ATP8B4: variants seen among roughly 807,000 people sequenced by gnomAD.
The protein encoded by ATP8B4 is probable phospholipid-transporting ATPase IM.
A neutral mutation model predicts 145.6 loss-of-function variants in ATP8B4; 133 were observed. The ratio of observed to expected loss-of-function variants is 0.91; its 90% CI spans 0.79 to 1.05. The LOEUF (loss-of-function observed/expected upper bound fraction) is 1.05, where lower values mean the gene tolerates loss of function less well. Ranked by LOEUF, ATP8B4 falls within the 50% of genes least tolerant of loss-of-function variation. ATP8B4 has a pLI of 0.00. For synonymous variants in ATP8B4, 507 were observed against 492.9 expected (o/e 1.03, Z -0.38); for missense variants, 1,458 against 1,425.2 (o/e 1.02, Z -0.37).
At chr15:49,890,717 C>T (rs1566937286) in intron 23 of ATP8B4, among the ~76,000 whole-genome samples, 1 of 152,176 alleles carries the variant, frequency 6.6e-6, no homozygotes, top group Non-Finnish European at 1.5e-5. Flanking sequence ...AAAGCCAAAA[C>T]ATTTTTCAGT....
intron 13 of ATP8B4, among the ~76,000 whole-genome samples, chr15:49,971,908 T>C (rs1034204579): frequency 7.9e-5 from 12 of 152,160 alleles, no homozygotes; most frequent in Non-Finnish European, 1.8e-4. Context: ...AAAGAAAATA[T>C]GGCACATATA....
intron 2 of ATP8B4, among the ~76,000 whole-genome samples, chr15:50,074,456 C>T (rs2054050785): frequency 6.6e-6 from 1 of 152,164 alleles, no homozygotes; most frequent in Non-Finnish European, 1.5e-5. Context: ...TCTTCAGCAC[C>T]ACAAAGACCC....
At chr15:50,109,705 T>G (rs2056850362) in intron 1 of ATP8B4, among the ~76,000 whole-genome samples, 1 of 151,954 alleles carries the variant, frequency 6.6e-6, no homozygotes, top group Non-Finnish European at 1.5e-5. Flanking sequence ...CATTTATCTC[T>G]CAGAAAGCTA....
intron 1 of ATP8B4, among the ~76,000 whole-genome samples, chr15:50,167,514 G>A (rs72737040): frequency 0.092 from 13,983 of 152,142 alleles, 816 homozygotes; most frequent in Middle Eastern, 0.15. Flanking sequence ...TTAGGGCCCA[G>A]CCTAACCCAG....
At chr15:49,907,717 TA>T (rs2038775780) in intron 20 of ATP8B4, among the ~76,000 whole-genome samples, 1 of 152,220 alleles carries the variant, frequency 6.6e-6, no homozygotes, top group Non-Finnish European at 1.5e-5. Context: ...GTTATTCCCA[TA>T]TCAAAAGTTT....
intron 2 of ATP8B4, among the ~76,000 whole-genome samples, chr15:50,091,030 T>TA (rs1260021835): frequency 1.3e-5 from 2 of 152,020 alleles, no homozygotes; most frequent in East Asian, 1.9e-4. Context: ...TAGGTGCTTT[T>TA]AAAAAAAAGA....
intron 25 of ATP8B4, among the ~76,000 whole-genome samples, chr15:49,867,328 T>C (rs2032971892): frequency 6.6e-6 from 1 of 152,202 alleles, no homozygotes; most frequent in African/African-American, 2.4e-5. Flanking sequence ...GCTTAGTAAA[T>C]AGATCCCTCT....
Position 50,021,659 on chromosome 15 carries a change from C to G in ATP8B4, c.363-10742G>C, listed in dbSNP as rs554217590. Among the ~76,000 whole-genome samples the G allele has an allele frequency of 1.6e-4, 24 of 152,304 alleles. No individual in the cohort carries two copies. In the South Asian group the frequency reaches 5.0e-3, roughly 32 times the overall value. On this transcript the variant is annotated intron_variant, in intron 6 of 27. Transcript: ENST00000284509. ...TCCCATCACTCTCTATCCTATTCCC[C>G]TATTTCATTTTCTTTGTTGTACTTA... is the stretch of plus-strand genomic sequence containing the variant.
At chr15:49,999,683 G>A (rs1263434753) in intron 8 of ATP8B4, among the ~76,000 whole-genome samples, 1 of 152,056 alleles carries the variant, frequency 6.6e-6, no homozygotes, top group East Asian at 1.9e-4. Context: ...AAAAGATGCT[G>A]TGTACCCCTT....
At chr15:50,015,256 A>G (rs2049003220) in intron 6 of ATP8B4, among the ~76,000 whole-genome samples, 2 of 152,240 alleles carry the variant, frequency 1.3e-5, no homozygotes, top group African/African-American at 4.8e-5. Context: ...GAAAATGAAG[A>G]GGGAAATTGG....
intron 6 of ATP8B4, among the ~76,000 whole-genome samples, chr15:50,035,377 G>T (rs1416663744): frequency 6.6e-6 from 1 of 152,144 alleles, no homozygotes; most frequent in Non-Finnish European, 1.5e-5. Flanking sequence ...GTATATGATT[G>T]TATACAAAGC....
At chr15:50,011,681 A>G (rs2048732623) in intron 6 of ATP8B4, among the ~76,000 whole-genome samples, 1 of 152,210 alleles carries the variant, frequency 6.6e-6, no homozygotes, top group African/African-American at 2.4e-5. Context: ...CCAAAACCAG[A>G]CAGGCCCTCT....
chr15:49,864,259 T>C (rs547833666), intron 26 of ATP8B4, among the ~76,000 whole-genome samples: 3 of 152,348 alleles, frequency 2.0e-5, no homozygotes, highest in African/African-American at 7.2e-5. Context: ...TGAATTTAAA[T>C]TGAATTACAA....
intron 1 of ATP8B4, among the ~76,000 whole-genome samples, chr15:50,111,243 A>T (rs929887520): frequency 6.6e-6 from 1 of 152,232 alleles, no homozygotes; most frequent in Admixed American, 6.5e-5. Context: ...AAGTTATTAC[A>T]GCTAATTCCC....
intron 14 of ATP8B4, among the ~76,000 whole-genome samples, chr15:49,940,222 AG>A (rs1830080226): frequency 6.6e-6 from 1 of 152,240 alleles, no homozygotes; most frequent in Non-Finnish European, 1.5e-5. Flanking sequence ...GCCATAAAAA[AG>A]AATGAAATCA....
intron 6 of ATP8B4, among the ~76,000 whole-genome samples, chr15:50,018,073 G>A (rs2049236267): frequency 6.9e-6 from 1 of 144,754 alleles, no homozygotes; most frequent in South Asian, 2.2e-4. Flanking sequence ...CTGCACCCTT[G>A]ACCTCCTGGG....
intron 23 of ATP8B4, among the ~76,000 whole-genome samples, chr15:49,889,409 T>C (rs1320764018): frequency 6.6e-6 from 1 of 152,164 alleles, no homozygotes; most frequent in East Asian, 1.9e-4. Context: ...CCACCCAACA[T>C]AGGAAACAAA....
rs143106468 is a variant in ATP8B4 at position 50,014,821 on chromosome 15, A to C, written c.363-3904T>G. On this transcript the variant is annotated intron_variant, in intron 6 of 27. Coordinates refer to ENST00000284509, the MANE Select transcript of ATP8B4 (RefSeq NM_024837.4). Reference sequence around the variant, plus strand: ...TTTGACTTCCATTTTACAGAATAGGACACTGAGGTTCATAGAAATTGAGAT... The same window carrying C: ...TTTGACTTCCATTTTACAGAATAGGCCACTGAGGTTCATAGAAATTGAGAT... Among the ~76,000 whole-genome samples the C allele has an allele frequency of 2.2e-4, 34 of 152,318 alleles. No individual in the cohort carries two copies. The East Asian group carries it at 6.0e-3, about 27-fold the overall frequency.
At chr15:50,154,522 T>C (rs1300041824) in intron 1 of ATP8B4, among the ~76,000 whole-genome samples, 1 of 152,212 alleles carries the variant, frequency 6.6e-6, no homozygotes, top group East Asian at 1.9e-4. Flanking sequence ...GTAACCTTTT[T>C]ACCAAGCAAT....
Sources: allele counts gnomAD v4.1 joint callset (sites outside exome capture counted in the v4.1 genomes callset), GRCh38; gene constraint gnomAD v4.1.1; transcripts MANE v1.5; gene names NCBI Gene and HGNC (gene_info 2026-07-23, HGNC 2026-07-21).